ZEB1: variants seen among roughly 807,000 people sequenced by gnomAD.
The protein encoded by ZEB1 is zinc finger E-box binding homeobox 1, also known as zinc finger E-box-binding homeobox 1.
A neutral mutation model predicts 84.9 loss-of-function variants in ZEB1; 21 were observed. The observed-to-expected ratio is 0.25, with a 90% CI of 0.18 to 0.36. The LOEUF is 0.36. Ranked by LOEUF, ZEB1 falls within the 10% of genes least tolerant of loss-of-function variation. The probability of loss-of-function intolerance (pLI) is 1.00; values close to 1 mark genes in which losing one functional copy is unlikely to be tolerated. For missense variants in ZEB1, 1,104 were observed against 1,330.2 expected, an observed-to-expected ratio of 0.83 and a Z score of 2.65; for synonymous variants, 420 against 471.1, an observed-to-expected ratio of 0.89 and a Z score of 1.41.
intron 2 of ZEB1, among the ~76,000 whole-genome samples, chr10:31,462,131 G>C (rs564955514): frequency 2.0e-5 from 3 of 152,178 alleles, no homozygotes; most frequent in Admixed American, 2.0e-4. Context: ...ATCTGGAAAA[G>C]TGGGTCAGGC....
chr10:31,459,269 G>A (rs1386254132), intron 1 of ZEB1, among the ~76,000 whole-genome samples: 1 of 152,074 alleles, frequency 6.6e-6, no homozygotes, highest in East Asian at 1.9e-4. Context: ...AAGTGGCAAA[G>A]CAGTATGATG....
At chr10:31,330,700 A>G (rs957631162) in intron 1 of ZEB1, among the ~76,000 whole-genome samples, 2 of 152,194 alleles carry the variant, frequency 1.3e-5, no homozygotes, top group Non-Finnish European at 2.9e-5. Flanking sequence ...TGTTATAGCT[A>G]AAGAAAAAGT....
Position 31,527,425 on chromosome 10 carries a change from AC to A in ZEB1, c.*162del. 1.4e-6 allele frequency: 1 copy of A among 698,022 alleles called. No individual in the cohort carries two copies. The highest frequency in any genetic ancestry group is 2.9e-5 in the East Asian group (1 of 34,936). The allele number at this position is 698,022 out of a possible 1,614,324, so 43.2% of individuals were successfully genotyped here. On this transcript the variant is annotated 3_prime_UTR_variant, in exon 9 of 9. Coordinates refer to ENST00000424869, the MANE Select transcript of ZEB1 (RefSeq NM_001174096.2). ...TACAAAATACAAAACACACACACAC[AC>A]ACACACACACACACACACACACACA...
chr10:31,503,982 G>GCAGATATTCAC (rs1322016211), intron 4 of ZEB1, among the ~76,000 whole-genome samples: 2 of 138,668 alleles, frequency 1.4e-5, no homozygotes, highest in East Asian at 3.9e-4. Context: ...TGAGTAATTT[G>GCAGATATTCAC]CAGATATTCA....
In ZEB1 at chr10:31,474,217, A is replaced by G. The variant is rs202076092; in HGVS notation, c.259+12980A>G. Reference sequence around the variant, plus strand: ...AAGCCAAAATTGACAAATGGGATCTAATTAAACTAAAGAGCTTCTGTACAG... The same window carrying G: ...AAGCCAAAATTGACAAATGGGATCTGATTAAACTAAAGAGCTTCTGTACAG... On this transcript the variant is annotated intron_variant, in intron 2 of 8. Coordinates refer to ENST00000424869, the MANE Select transcript of ZEB1 (RefSeq NM_001174096.2). Among the ~76,000 whole-genome samples, 71 of 152,146 alleles carry G rather than the reference A, an allele frequency of 4.7e-4. 1 individual carries two copies. The East Asian group carries it at 7.5e-3, about 16-fold the overall frequency.
chr10:31,438,080 T>C (rs1340722439), intron 1 of ZEB1, among the ~76,000 whole-genome samples: 1 of 152,256 alleles, frequency 6.6e-6, no homozygotes, highest in East Asian at 1.9e-4. Context: ...TGTGAGATAC[T>C]ATAACCTGTA....
intron 1 of ZEB1, among the ~76,000 whole-genome samples, chr10:31,324,080 A>G (rs1229732377): frequency 6.6e-6 from 1 of 151,844 alleles, no homozygotes; most frequent in South Asian, 2.1e-4. Context: ...GGTGTGATTC[A>G]CTTAAATGTT....
intron 2 of ZEB1, among the ~76,000 whole-genome samples, chr10:31,490,239 T>C (rs2066343630): frequency 6.6e-6 from 1 of 151,626 alleles, no homozygotes; most frequent in African/African-American, 2.4e-5. Context: ...TGTCTTTCAC[T>C]AAATTTGGGA....
chr10:31,511,458 G>T (rs2070009136), intron 5 of ZEB1, among the ~76,000 whole-genome samples: 1 of 152,016 alleles, frequency 6.6e-6, no homozygotes, highest in Non-Finnish European at 1.5e-5. Context: ...GTTTTCAGAA[G>T]TATAAACCAA....
At chr10:31,320,531 C>A (rs914981950) in intron 1 of ZEB1, 1 of 152,238 alleles carries the variant, frequency 6.6e-6, no homozygotes, top group Non-Finnish European at 1.5e-5. Flanking sequence ...GGGGCTGCTA[C>A]TTGCACCGCA....
chr10:31,332,669 AG>A (rs1447693577), intron 1 of ZEB1, among the ~76,000 whole-genome samples: 1 of 152,052 alleles, frequency 6.6e-6, no homozygotes, highest in Non-Finnish European at 1.5e-5. Flanking sequence ...GTTTTTTTGG[AG>A]GTTATGCTGT....
intron 2 of ZEB1, among the ~76,000 whole-genome samples, chr10:31,487,571 TAG>T (rs1170177938): frequency 4.6e-5 from 7 of 151,418 alleles, no homozygotes; most frequent in Admixed American, 2.6e-4. Flanking sequence ...ATTGCCTATG[TAG>T]ACAGTCTTGT....
intron 1 of ZEB1, among the ~76,000 whole-genome samples, chr10:31,398,136 G>C (rs2051174054): frequency 6.6e-6 from 1 of 152,022 alleles, no homozygotes; most frequent in African/African-American, 2.4e-5. Flanking sequence ...CCACAATTCA[G>C]ATCAAGAAAA....
chr10:31,427,190 C>T (rs1027520054), intron 1 of ZEB1, among the ~76,000 whole-genome samples: 2 of 152,008 alleles, frequency 1.3e-5, no homozygotes, highest in African/African-American at 2.4e-5. Flanking sequence ...GCATTTACTA[C>T]AGCATTGTGA....
At chr10:31,387,084 T>G (rs1377056602) in intron 1 of ZEB1, 1 of 985,564 alleles carries the variant, frequency 1.0e-6, no homozygotes, top group Non-Finnish European at 1.2e-6. Context: ...CAAAATAGTT[T>G]GATCCCAGTA....
At chr10:31,354,751 A>G (rs2041859843) in intron 1 of ZEB1, among the ~76,000 whole-genome samples, 1 of 152,210 alleles carries the variant, frequency 6.6e-6, no homozygotes, top group Non-Finnish European at 1.5e-5. Context: ...CACTTGTGAA[A>G]CCTTCATTAA....
intron 1 of ZEB1, among the ~76,000 whole-genome samples, chr10:31,416,089 G>T (rs1165081239): frequency 1.3e-5 from 2 of 151,944 alleles, no homozygotes; most frequent in Non-Finnish European, 2.9e-5. Context: ...GTTTTGCCCT[G>T]TGTAGAAGTG....
chr10:31,408,847 T>C (rs1425777256), intron 1 of ZEB1, among the ~76,000 whole-genome samples: 2 of 150,726 alleles, frequency 1.3e-5, no homozygotes, highest in Admixed American at 6.6e-5. Context: ...AAGGACTTCA[T>C]GTCTAAAACA....
In ZEB1 at chr10:31,319,451, G is replaced by C. The variant is rs551818834; in HGVS notation, c.58+159G>C. On this transcript the variant is annotated intron_variant, in intron 1 of 8. Transcript: ENST00000424869. The stretch of plus-strand genomic sequence containing the variant: ...AAAGTAGTGCTCTCTGCCCCCCTCC[G>C]CTGCCGCCGCTGCCGGAGCCGCGCC... 697 of 673,248 alleles carry C rather than the reference G, an allele frequency of 1.0e-3. 7 individuals are homozygous for C. The African/African-American group carries it at 0.012, about 11-fold the overall frequency. 41.7% of individuals were successfully genotyped at this position (673,248 alleles called of 1,614,324 possible).
Sources: allele counts gnomAD v4.1 joint callset (sites outside exome capture counted in the v4.1 genomes callset), GRCh38; gene constraint gnomAD v4.1.1; transcripts MANE v1.5; gene names NCBI Gene and HGNC (gene_info 2026-07-23, HGNC 2026-07-21).